Variants in NCOR2 observed in about 807,000 individuals in gnomAD.
NCOR2 encodes the protein CTG repeat protein 26.
In NCOR2, 81 loss-of-function variants were observed where a neutral mutation model predicts 262.9. The ratio of observed to expected loss-of-function variants is 0.31; its 90% CI spans 0.26 to 0.37. The LOEUF (loss-of-function observed/expected upper bound fraction) is 0.37. Ranked by LOEUF, NCOR2 falls within the 10% of genes least tolerant of loss-of-function variation. The pLI is 1.00. For missense variants in NCOR2, 3,385 were observed against 3,621.4 expected (o/e 0.93, Z 1.68); for synonymous variants, 1,659 against 1,559.3 (o/e 1.06, Z -1.51).
At chr12:124,370,570 C>T (rs12370152) in intron 20 of NCOR2, among the ~76,000 whole-genome samples, 1 of 152,226 alleles carries the variant, frequency 6.6e-6, no homozygotes, top group Non-Finnish European at 1.5e-5. Flanking sequence ...GCCTGCCCCA[C>T]CAGAAAACAA....
In NCOR2 at chr12:124,457,059, G is replaced by GCC; in HGVS notation, c.762+45_762+46dup. On this transcript the variant is annotated intron_variant, in intron 6 of 46. Transcript: ENST00000405201. This position sits in a 1 kb window ranked among gnomAD's most constrained non-coding sequence, Gnocchi z 4.0. ...TCCCGCCTCCCTGCCCACCTCTCCA[G>GCC]CCACCCCCGCCCTCCCCTGAGCCCC... 1.7e-6 allele frequency: 1 copy of GCC among 594,422 alleles called. No individual in the cohort carries two copies. The highest frequency in any genetic ancestry group is 2.6e-6 in the Non-Finnish European group (1 of 377,724). The allele number at this position is 594,422 out of a possible 1,614,324, so 36.8% of individuals were successfully genotyped here.
At chr12:124,563,262 T>C (rs957942094) in intron 1 of NCOR2, among the ~76,000 whole-genome samples, 1 of 152,206 alleles carries the variant, frequency 6.6e-6, no homozygotes, top group Non-Finnish European at 1.5e-5. Flanking sequence ...TGTCCTCTAA[T>C]ATCTGGTTAG....
chr12:124,352,108 C>T (rs2037532251), intron 27 of NCOR2, among the ~76,000 whole-genome samples: 1 of 152,220 alleles, frequency 6.6e-6, no homozygotes, highest in Non-Finnish European at 1.5e-5. Context: ...GACACCTGTA[C>T]ACTAACAGTG....
intron 1 of NCOR2, among the ~76,000 whole-genome samples, chr12:124,532,569 C>T (rs2050863789): frequency 6.6e-6 from 1 of 152,212 alleles, no homozygotes; most frequent in Admixed American, 6.5e-5. Flanking sequence ...CGGCCTCCCT[C>T]AGATGTGATG....
chr12:124,422,662 G>C lies in NCOR2; in HGVS notation c.1329-107C>G, dbSNP rs923071226. 27 of 1,356,898 alleles carry C rather than the reference G, an allele frequency of 2.0e-5. No homozygotes were observed. The Admixed American group carries it at 2.5e-4, about 12-fold the overall frequency. The allele number at this position is 1,356,898 out of a possible 1,614,324, so 84.1% of individuals were successfully genotyped here. Reference sequence around the variant, plus strand: ...CCATCCCCACTGGCCGGGCCTGGCGGGCACCGCCCCACTTGGAGCAATTAA... The same window carrying C: ...CCATCCCCACTGGCCGGGCCTGGCGCGCACCGCCCCACTTGGAGCAATTAA... On this transcript the variant is annotated intron_variant, in intron 11 of 46. Coordinates refer to ENST00000405201, the Ensembl canonical transcript of NCOR2.
chr12:124,344,333 G>A (rs760109338), intron 32 of NCOR2, among the ~76,000 whole-genome samples: 1 of 152,240 alleles, frequency 6.6e-6, no homozygotes, highest in Non-Finnish European at 1.5e-5. Flanking sequence ...TATCCGGGTA[G>A]CTGTTTGCAG....
Position 124,523,533 on chromosome 12 carries a change from G to C in NCOR2, c.-118+12032C>G, listed in dbSNP as rs2050301783. Among the ~76,000 whole-genome samples, 4 of 151,826 alleles carry C rather than the reference G, an allele frequency of 2.6e-5. No homozygotes were observed. The South Asian group carries it at 8.3e-4, about 31-fold the overall frequency. Reference sequence around the variant, plus strand: ...CAGTGGGCTTCACGCGGCCTCCACTGTGCCTTACAACCGGCGTGTCCAGTC... The same window carrying C: ...CAGTGGGCTTCACGCGGCCTCCACTCTGCCTTACAACCGGCGTGTCCAGTC... On this transcript the variant is annotated intron_variant, in intron 1 of 46. Coordinates refer to the NCOR2 transcript ENST00000404621. This position sits in a 1 kb window ranked among gnomAD's most constrained non-coding sequence, Gnocchi z 4.0.
At chr12:124,558,693 A>T (rs2051966713) in intron 1 of NCOR2, among the ~76,000 whole-genome samples, 1 of 152,126 alleles carries the variant, frequency 6.6e-6, no homozygotes, top group African/African-American at 2.4e-5. Flanking sequence ...TGGCAAGGAG[A>T]CTGCTGGGTC....
intron 26 of NCOR2, 43 bp from the exon 29 acceptor site, chr12:124,354,239 C>G (rs1201347544): frequency 1.3e-6 from 2 of 1,532,926 alleles, no homozygotes; most frequent in Non-Finnish European, 1.8e-6. Flanking sequence ...GTCTGTGGCC[C>G]TTCCTTCCCC....
chr12:124,354,393 T>G, intron 26 of NCOR2, 85 bp downstream of exon 28: 1 of 1,304,044 alleles, frequency 7.7e-7, no homozygotes, highest in South Asian at 1.5e-5. Context: ...AGATGACACT[T>G]CCCAGCAGGT....
chr12:124,535,933 C>G (rs529616275), upstream of NCOR2, among the ~76,000 whole-genome samples: 3 of 152,088 alleles, frequency 2.0e-5, no homozygotes, highest in Non-Finnish European at 4.4e-5. Context: ...CCGGGCCACA[C>G]GGCTAGGCTA....
chr12:124,410,151 C>T lies in NCOR2; in HGVS notation c.1483-7590G>A, dbSNP rs1278560194. Among the ~76,000 whole-genome samples, 5 of 150,398 alleles carry T rather than the reference C, an allele frequency of 3.3e-5. No homozygotes were observed. In the East Asian group the frequency reaches 9.9e-4, roughly 30 times the overall value. On this transcript the variant is annotated intron_variant, in intron 13 of 46. Coordinates refer to ENST00000405201, the Ensembl canonical transcript of NCOR2. The stretch of plus-strand genomic sequence containing the variant: ...AAGGCTGCTGTTCTGGGAACTACTT[C>T]CTGACTCCAGCAGCCCAGCTTGAGA...
chr12:124,478,492 C>T (rs1447170378), intron 3 of NCOR2, among the ~76,000 whole-genome samples: 1 of 152,154 alleles, frequency 6.6e-6, no homozygotes, highest in Non-Finnish European at 1.5e-5. Context: ...GCAGAGGGGG[C>T]ACACACAGAA....
intron 1 of NCOR2, among the ~76,000 whole-genome samples, chr12:124,535,115 G>A (rs1248788959): frequency 1.3e-5 from 2 of 152,206 alleles, no homozygotes; most frequent in Admixed American, 6.5e-5. Flanking sequence ...TGCTAGGCAT[G>A]GGGACCACAG....
Position 124,548,277 on chromosome 12 carries a change from G to A in NCOR2, c.-164-12666C>T, listed in dbSNP as rs749861883. Among the ~76,000 whole-genome samples the A allele has an allele frequency of 3.3e-5, 5 of 152,204 alleles. No homozygotes were observed. Among genetic ancestry groups the A allele is most frequent in the South Asian group, 4.1e-4 (2 of 4,826 alleles). ...CGAAGGCCCAGAGGCAGATGCGGTC[G>A]GTGAGGGCTGAGGAGCTCCCGGGTG... On this transcript the variant is annotated intron_variant, in intron 1 of 32. Transcript: ENST00000458234. The surrounding 1 kb of genome is among the most constrained non-coding windows in gnomAD (Gnocchi z 5.1).
chr12:124,529,993 T>A (rs1303609892), intron 1 of NCOR2: 1 of 152,176 alleles, frequency 6.6e-6, no homozygotes. Context: ...GAAAACATGT[T>A]CACACAAAGA....
rs2052263228 is a variant in NCOR2 at position 124,566,974 on chromosome 12, G to T, written c.-165+334C>A. ...GCTACACCGGGTACAAGGGACGCCT[G>T]GCGGCCAAGTCCCCAGAGCCGGCGC... is the stretch of plus-strand genomic sequence containing the variant. On this transcript the variant is annotated intron_variant, in intron 1 of 32. Coordinates refer to the NCOR2 transcript ENST00000458234. The surrounding 1 kb of genome is among the most constrained non-coding windows in gnomAD (Gnocchi z 4.3). 6.6e-6 allele frequency among the ~76,000 whole-genome samples: 1 copy of T among 152,304 alleles called. No individual in the cohort carries two copies. Among genetic ancestry groups the T allele is most frequent in the South Asian group, 2.1e-4 (1 of 4,834 alleles).
At chr12:124,526,821 A>G (rs1456019971) in intron 1 of NCOR2, among the ~76,000 whole-genome samples, 1 of 152,046 alleles carries the variant, frequency 6.6e-6, no homozygotes, top group Non-Finnish European at 1.5e-5. Context: ...AAGCAGCTAG[A>G]ATCCCAGCTT....
intron 11 of NCOR2, among the ~76,000 whole-genome samples, chr12:124,424,755 A>T (rs778940809): frequency 6.6e-6 from 1 of 152,158 alleles, no homozygotes; most frequent in Non-Finnish European, 1.5e-5. Context: ...AAGGAGTGTC[A>T]TTGCTTTGGA....
Sources: allele counts gnomAD v4.1 joint callset (sites outside exome capture counted in the v4.1 genomes callset), GRCh38; gene constraint gnomAD v4.1.1; non-coding constraint Gnocchi (gnomAD v3.1); transcripts MANE v1.5; gene names NCBI Gene and HGNC (gene_info 2026-07-23, HGNC 2026-07-21).